STOML3: variants seen among roughly 807,000 people sequenced by gnomAD.
STOML3 encodes the protein stomatin-like protein 3.
Under a neutral mutation model 29.5 loss-of-function variants are expected in STOML3, and 31 were observed. The observed-to-expected ratio is 1.05, with a 90% CI of 0.79 to 1.42. The LOEUF is 1.42. Among genes scored for constraint, STOML3 ranks in the 40% most tolerant of loss-of-function variants. The probability of loss-of-function intolerance (pLI) is 0.00; values close to 1 mark genes in which losing one functional copy is unlikely to be tolerated. For missense variants in STOML3, 380 were observed against 363.0 expected (o/e 1.05, Z -0.38); for synonymous variants, 122 against 139.8 (o/e 0.87, Z 0.90).
chr13:38,990,574 A>G, intron 1 of STOML3, 96 bp downstream of exon 1: 6 of 1,214,558 alleles, frequency 4.9e-6, no homozygotes, highest in Non-Finnish European at 6.9e-6. Flanking sequence ...TTCTGCAAAT[A>G]TATCTCATAC....
chr13:38,972,402 A>T, intron 4 of STOML3, 110 bp downstream of exon 4: 1 of 1,038,246 alleles, frequency 9.6e-7, no homozygotes, highest in Non-Finnish European at 1.4e-6. Flanking sequence ...GCGGGTACTC[A>T]GCTCATCTTC....
intron 1 of STOML3, among the ~76,000 whole-genome samples, chr13:38,977,050 T>C (rs1193223048): frequency 3.9e-5 from 6 of 152,242 alleles, no homozygotes; most frequent in Non-Finnish European, 8.8e-5. Flanking sequence ...AAATAATTAT[T>C]ATTACATTTT....
At chr13:38,986,043 T>G (rs1443924716) in intron 1 of STOML3, among the ~76,000 whole-genome samples, 4 of 147,980 alleles carry the variant, frequency 2.7e-5, no homozygotes, top group African/African-American at 7.4e-5. Context: ...TGGTTTTTTT[T>G]TTTTTTTTTT....
chr13:38,977,707 G>A (rs1340406980), intron 1 of STOML3, among the ~76,000 whole-genome samples: 1 of 146,056 alleles, frequency 6.8e-6, no homozygotes, highest in Non-Finnish European at 1.5e-5. Context: ...CTAAAACTCT[G>A]TAGCTTTACT....
chr13:38,972,461 T>C, intron 4 of STOML3, 51 bp downstream of exon 4: 1 of 1,540,992 alleles, frequency 6.5e-7, no homozygotes, highest in Non-Finnish European at 8.9e-7. Flanking sequence ...GTCCTTATAA[T>C]AGAGAAAATA....
In STOML3 at chr13:38,977,320, T is replaced by C. The variant is rs181662984; in HGVS notation, c.53-523A>G. ...CTGTCACTTACCAATTCTAAAGCAT[T>C]AGGATAGAAGACCACTCAGTCTCTG... On this transcript the variant is annotated intron_variant, in intron 1 of 6. Coordinates refer to ENST00000379631, the MANE Select transcript of STOML3 (RefSeq NM_145286.3). 2.0e-5 allele frequency among the ~76,000 whole-genome samples: 3 copies of C among 152,318 alleles called. No individual in the cohort carries two copies. In the East Asian group the frequency reaches 5.8e-4, roughly 29 times the overall value.
At position 38,990,775 on chromosome 13, in the gene STOML3, G is replaced by C; in HGVS notation, c.-54C>G. On this transcript the variant is annotated 5_prime_UTR_variant, in exon 1 of 7. Coordinates refer to ENST00000379631, the MANE Select transcript of STOML3 (RefSeq NM_145286.3). ...CAATTTTTCATGGGTTTGGAGCTAA[G>C]TGTGAAGAACAGGCAGCAACTCAGA... 6.4e-7 allele frequency: 1 copy of C among 1,572,020 alleles called. No homozygotes were observed. Among genetic ancestry groups the C allele is most frequent in the Non-Finnish European group, 8.7e-7 (1 of 1,143,702 alleles).
At chr13:38,988,174 T>C (rs1332372505) in intron 1 of STOML3, among the ~76,000 whole-genome samples, 1 of 94,034 alleles carries the variant, frequency 1.1e-5, no homozygotes, top group East Asian at 3.4e-4. Context: ...TATAATATAT[T>C]ATATTTTATA....
intron 1 of STOML3, among the ~76,000 whole-genome samples, chr13:38,980,769 C>CA (rs1412703514): frequency 1.3e-5 from 2 of 152,158 alleles, no homozygotes; most frequent in African/African-American, 4.8e-5. Flanking sequence ...CTATGCCAAA[C>CA]GCTGTGCTGG....
At chr13:38,984,942 G>A (rs1239788279) in intron 1 of STOML3, among the ~76,000 whole-genome samples, 3 of 152,138 alleles carry the variant, frequency 2.0e-5, no homozygotes, top group Non-Finnish European at 2.9e-5. Flanking sequence ...TTGAAGTACA[G>A]GATGAGGGTG....
chr13:38,977,668 A>C (rs1342721717), intron 1 of STOML3, among the ~76,000 whole-genome samples: 1 of 151,632 alleles, frequency 6.6e-6, no homozygotes, highest in Non-Finnish European at 1.5e-5. Context: ...CAATAAGATG[A>C]GACTGAGTTA....
intron 1 of STOML3, among the ~76,000 whole-genome samples, chr13:38,988,250 T>TGATATTTTATATCA (rs1415716146): frequency 1.7e-4 from 14 of 84,428 alleles, no homozygotes; most frequent in African/African-American, 8.4e-4. Flanking sequence ...ATATAATATA[T>TGATATTTTATATCA]TATATTTTAT....
chr13:38,983,504 A>T (rs552913412), intron 1 of STOML3, among the ~76,000 whole-genome samples: 1 of 152,202 alleles, frequency 6.6e-6, no homozygotes, highest in Non-Finnish European at 1.5e-5. Flanking sequence ...GTTTCTCTAT[A>T]TATGCAAGAG....
In STOML3 at chr13:38,990,654, G is replaced by T. The variant is rs1171829332; in HGVS notation, c.52+16C>A. On this transcript the variant is annotated intron_variant, in intron 1 of 6. Coordinates refer to ENST00000379631, the MANE Select transcript of STOML3 (RefSeq NM_145286.3). ...ATATGTAAAAAACAAGCCTAAGACA[G>T]GAAAAAGGAACTTACCCACGAAATT... The T allele has an allele frequency of 6.2e-7, 1 of 1,613,496 alleles. No individual in the cohort carries two copies. The highest frequency in any genetic ancestry group is 8.5e-7 in the Non-Finnish European group (1 of 1,179,690).
At chr13:38,989,620 A>C (rs1327611095) in intron 1 of STOML3, among the ~76,000 whole-genome samples, 4 of 151,710 alleles carry the variant, frequency 2.6e-5, no homozygotes, top group Admixed American at 2.6e-4. Flanking sequence ...CTCCCACCTC[A>C]ACCTCCCACT....
chr13:38,967,118 G>C (rs1402758957), intron 6 of STOML3, 69 bp from the exon 7 acceptor site: 2 of 1,404,284 alleles, frequency 1.4e-6, no homozygotes, highest in Non-Finnish European at 1.9e-6. Context: ...TCTTTTTCTG[G>C]GTCTGTATTG....
chr13:38,983,909 T>C (rs1281274201), intron 1 of STOML3, among the ~76,000 whole-genome samples: 2 of 152,098 alleles, frequency 1.3e-5, no homozygotes, highest in Non-Finnish European at 2.9e-5. Context: ...TTCAAAAAGG[T>C]GTAAAAATAA....
intron 3 of STOML3, among the ~76,000 whole-genome samples, chr13:38,973,975 C>A (rs192205505): frequency 6.6e-6 from 1 of 152,158 alleles, no homozygotes; most frequent in Admixed American, 6.5e-5. Context: ...TCAATGTATT[C>A]CAGAGTTAAT....
chr13:38,970,804 T>G (rs958060669), intron 4 of STOML3, among the ~76,000 whole-genome samples: 10 of 152,160 alleles, frequency 6.6e-5, no homozygotes, highest in Admixed American at 5.9e-4. Flanking sequence ...GAAGCAGTGA[T>G]TCTTAGAAAA....
Sources: allele counts gnomAD v4.1 joint callset (sites outside exome capture counted in the v4.1 genomes callset), GRCh38; gene constraint gnomAD v4.1.1; transcripts MANE v1.5; gene names NCBI Gene and HGNC (gene_info 2026-07-23, HGNC 2026-07-21).